MICAL3: variants seen among roughly 807,000 people sequenced by gnomAD.
MICAL3 encodes the protein [F-actin]-monooxygenase MICAL3.
Under a neutral mutation model 207.4 loss-of-function variants are expected in MICAL3, and 62 were observed. The ratio of observed to expected loss-of-function variants is 0.30; its 90% CI spans 0.24 to 0.37. The LOEUF (loss-of-function observed/expected upper bound fraction) is 0.37. MICAL3 is among the 10% of genes least tolerant of loss of function. The probability of loss-of-function intolerance (pLI) is 1.00; values close to 1 mark genes in which losing one functional copy is unlikely to be tolerated. For synonymous variants in MICAL3, 1,077 were observed against 1,069.3 expected (o/e 1.01, Z -0.14); for missense variants, 2,368 against 2,635.6 (o/e 0.90, Z 2.22).
intron 1 of MICAL3, among the ~76,000 whole-genome samples, chr22:17,967,494 C>CACACACACACA (rs1569150737): frequency 1.2e-5 from 1 of 84,408 alleles, no homozygotes; most frequent in African/African-American, 4.0e-5. Context: ...ACACACACAC[C>CACACACACACA]CACACACACC....
intron 1 of MICAL3, among the ~76,000 whole-genome samples, chr22:17,967,506 A>T (rs1444980019): frequency 6.7e-5 from 10 of 148,868 alleles, no homozygotes; most frequent in African/African-American, 2.5e-4. Context: ...ACACACACCC[A>T]CTCATGCCTA....
intron 1 of MICAL3, chr22:18,019,404 G>C (rs943557933): frequency 6.5e-6 from 1 of 154,146 alleles, no homozygotes; most frequent in Non-Finnish European, 1.5e-5. Flanking sequence ...CATATGAAAA[G>C]GGTGATCAGA....
intron 1 of MICAL3, among the ~76,000 whole-genome samples, chr22:17,929,442 T>A (rs1933114872): frequency 6.6e-6 from 1 of 152,076 alleles, no homozygotes; most frequent in Non-Finnish European, 1.5e-5. Flanking sequence ...TAAGTTGGGT[T>A]ATTTAACTTC....
chr22:17,912,368 TAAAAA>T (rs113708314), intron 1 of MICAL3, among the ~76,000 whole-genome samples: 2 of 140,658 alleles, frequency 1.4e-5, no homozygotes, highest in Non-Finnish European at 3.1e-5. Flanking sequence ...TCTATTTCTG[TAAAAA>T]AAAAAAAAAA....
intron 1 of MICAL3, among the ~76,000 whole-genome samples, chr22:17,980,526 C>G (rs1386453896): frequency 6.6e-6 from 1 of 152,214 alleles, no homozygotes; most frequent in Non-Finnish European, 1.5e-5. Context: ...TCAGCAGAGT[C>G]TTGAACACAG....
chr22:17,944,167 CTT>C (rs1933942977), intron 1 of MICAL3, among the ~76,000 whole-genome samples: 1 of 152,192 alleles, frequency 6.6e-6, no homozygotes, highest in African/African-American at 2.4e-5. Flanking sequence ...GAGAAAAAGA[CTT>C]TGGTTGACAT....
chr22:17,977,920 G>C (rs917978200), intron 1 of MICAL3, among the ~76,000 whole-genome samples: 38 of 152,220 alleles, frequency 2.5e-4, no homozygotes, highest in Non-Finnish European at 4.1e-4. Context: ...TACTCGGGAG[G>C]CTGAGGCAGG....
At chr22:17,863,534 A>C (rs932365355) in intron 19 of MICAL3, 1 of 985,434 alleles carries the variant, frequency 1.0e-6, no homozygotes, top group South Asian at 4.7e-5. Context: ...AAGATTGTAG[A>C]AGGTTTAAAA....
Position 17,872,062 on chromosome 22 carries a change from A to G in MICAL3, c.2242-39T>C, listed in dbSNP as rs767527504. 13 of 1,543,738 alleles carry G rather than the reference A, an allele frequency of 8.4e-6. No individual in the cohort carries two copies. In the Admixed American group the frequency reaches 2.1e-4, roughly 25 times the overall value. On this transcript the variant is annotated intron_variant, in intron 16 of 31. Coordinates refer to ENST00000441493, the MANE Select transcript of MICAL3 (RefSeq NM_015241.3). ...CGGTCGGGAGGAAGGGGAGCACCTC[A>G]GGGAGTGCCACACAGGCCCTCCTAG...
In MICAL3 at chr22:17,936,346, G is replaced by A. The variant is rs545860914; in HGVS notation, c.-74-29460C>T. Among the ~76,000 whole-genome samples the A allele has an allele frequency of 9.8e-4, 149 of 152,166 alleles. 1 individual carries two copies. Among genetic ancestry groups the A allele is most frequent in the African/African-American group, 3.4e-3 (142 of 41,528 alleles). On this transcript the variant is annotated intron_variant, in intron 1 of 31. Coordinates refer to ENST00000441493, the MANE Select transcript of MICAL3 (RefSeq NM_015241.3). Reference sequence around the variant, plus strand: ...AAGTACAGAAAACCAAACACTGCACGTTCTCACTCATAGGTGGGAACTGAA... The same window carrying A: ...AAGTACAGAAAACCAAACACTGCACATTCTCACTCATAGGTGGGAACTGAA...
At chr22:18,013,737 CTT>C (rs1923886047) in intron 1 of MICAL3, among the ~76,000 whole-genome samples, 1 of 152,156 alleles carries the variant, frequency 6.6e-6, no homozygotes, top group African/African-American at 2.4e-5. Flanking sequence ...GCAATTGGCA[CTT>C]TTAGTCCAAA....
chr22:17,920,435 T>TTTC (rs1932775983), intron 1 of MICAL3, among the ~76,000 whole-genome samples: 1 of 151,864 alleles, frequency 6.6e-6, no homozygotes, highest in African/African-American at 2.4e-5. Context: ...AACACTCCAC[T>TTTC]GAGGGTGACG....
In MICAL3 at chr22:17,904,882, A is replaced by G. The variant is rs372066967; in HGVS notation, c.265-43T>C. 18 of 1,394,996 alleles carry G rather than the reference A, an allele frequency of 1.3e-5. No individual in the cohort carries two copies. The African/African-American group carries it at 2.3e-4, about 18-fold the overall frequency. The allele number at this position is 1,394,996 out of a possible 1,614,324, so 86.4% of individuals were successfully genotyped here. On this transcript the variant is annotated intron_variant, in intron 2 of 31. Transcript: ENST00000441493. The stretch of plus-strand genomic sequence containing the variant: ...TTTCAGGGCAGGCGGCACTTCCAAC[A>G]AACAATTCTCAAGAAGTCTCATGAT...
intron 25 of MICAL3, among the ~76,000 whole-genome samples, chr22:17,820,951 C>CGT (rs1921554689): frequency 7.2e-6 from 1 of 139,680 alleles, no homozygotes; most frequent in Non-Finnish European, 1.6e-5. Flanking sequence ...TGTTTATAAA[C>CGT]ATAAATTTTA....
rs368348740 is a variant in MICAL3, at chr22:17,790,802, C to T, written c.5939G>A (p.Arg1980Gln). The T allele has an allele frequency of 4.2e-5, 67 of 1,613,266 alleles. 1 individual carries two copies. Among genetic ancestry groups the T allele is most frequent in the Non-Finnish European group, 5.0e-5 (59 of 1,179,758 alleles). ...CAGGTCCTTGTCCTCCTCTCTCTCC[C>T]GGAGCCGCTGCTCCTCCAGCAGCGC... is the stretch of plus-strand genomic sequence containing the variant. Reference protein sequence around the residue: ...LVALLEEQRLREREEDKDLEA... With the variant: ...LVALLEEQRLQEREEDKDLEA... The change falls in exon 32 of 32, where the codon CGG becomes CAG. Residue 1980 changes from arginine to glutamine, a missense_variant. Transcript: ENST00000441493.
chr22:17,935,086 T>A (rs1472897028), intron 1 of MICAL3, among the ~76,000 whole-genome samples: 1 of 151,928 alleles, frequency 6.6e-6, no homozygotes, highest in Non-Finnish European at 1.5e-5. Flanking sequence ...TACTTTAAAG[T>A]TCATATGGAA....
intron 16 of MICAL3, among the ~76,000 whole-genome samples, chr22:17,873,132 G>C (rs1310398070): frequency 1.3e-5 from 2 of 152,238 alleles, no homozygotes; most frequent in Admixed American, 1.3e-4. Flanking sequence ...CATCTCTGTG[G>C]AATGCACAGT....
At chr22:17,802,643 G>A (rs1403737559) in intron 29 of MICAL3, among the ~76,000 whole-genome samples, 7 of 152,302 alleles carry the variant, frequency 4.6e-5, no homozygotes, top group South Asian at 4.1e-4. Context: ...CGCCTTGGAC[G>A]TGGCACTGTC....
At chr22:17,954,742 G>A (rs984237940) in intron 1 of MICAL3, among the ~76,000 whole-genome samples, 11 of 148,252 alleles carry the variant, frequency 7.4e-5, no homozygotes, top group African/African-American at 2.7e-4. Context: ...CTGGATTCAA[G>A]TCTTTTCCTT....
Sources: allele counts gnomAD v4.1 joint callset (sites outside exome capture counted in the v4.1 genomes callset), GRCh38; gene constraint gnomAD v4.1.1; transcripts MANE v1.5; gene names NCBI Gene and HGNC (gene_info 2026-07-23, HGNC 2026-07-21).